Variants in CPED1 observed in about 807,000 individuals in gnomAD.
CPED1 encodes cadherin like and PC-esterase domain containing 1, also known as cadherin-like and PC-esterase domain-containing protein 1.
A neutral mutation model predicts 128.2 loss-of-function variants in CPED1; 114 were observed. The ratio of observed to expected loss-of-function variants is 0.89; its 90% CI spans 0.76 to 1.04. The LOEUF is 1.04. CPED1 is among the 50% of genes least tolerant of loss of function. The pLI is 0.00. For missense variants in CPED1, 1,211 were observed against 1,207.1 expected, an observed-to-expected ratio of 1.00 and a Z score of -0.05; for synonymous variants, 462 against 426.7, an observed-to-expected ratio of 1.08 and a Z score of -1.02.
intron 2 of CPED1, among the ~76,000 whole-genome samples, chr7:121,010,892 T>C (rs1378738427): frequency 6.6e-6 from 1 of 152,200 alleles, no homozygotes; most frequent in South Asian, 2.1e-4. Flanking sequence ...AAGTTTTAAA[T>C]AGAAAATGTA....
At chr7:121,267,720 G>A (rs557230440) in intron 21 of CPED1, among the ~76,000 whole-genome samples, 1 of 151,954 alleles carries the variant, frequency 6.6e-6, no homozygotes, top group African/African-American at 2.4e-5. Flanking sequence ...GCACTAAATA[G>A]AAGTCTCAGA....
chr7:121,196,789 C>G (rs1004906813), intron 16 of CPED1, among the ~76,000 whole-genome samples: 1 of 151,954 alleles, frequency 6.6e-6, no homozygotes, highest in African/African-American at 2.4e-5. Context: ...AATTTTAGAT[C>G]ACACTAAAGT....
intron 14 of CPED1, among the ~76,000 whole-genome samples, chr7:121,137,101 CAAATAAA>C (rs1795801405): frequency 6.6e-6 from 1 of 151,254 alleles, no homozygotes. Context: ...TAGTTTTCCA[CAAATAAA>C]AAATCAATTT....
intron 18 of CPED1, among the ~76,000 whole-genome samples, chr7:121,265,156 G>A (rs1399065899): frequency 6.6e-6 from 1 of 152,064 alleles, no homozygotes; most frequent in Non-Finnish European, 1.5e-5. Flanking sequence ...ATAAGGAAAA[G>A]CAGATGTTGA....
intron 16 of CPED1, among the ~76,000 whole-genome samples, chr7:121,176,995 T>C (rs1401285179): frequency 1.3e-5 from 2 of 152,080 alleles, no homozygotes; most frequent in Non-Finnish European, 2.9e-5. Flanking sequence ...TTAATTTGAC[T>C]GCCTAGGAAG....
chr7:121,059,530 A>G (rs1793595532), intron 4 of CPED1, among the ~76,000 whole-genome samples: 1 of 152,188 alleles, frequency 6.6e-6, no homozygotes, highest in African/African-American at 2.4e-5. Context: ...CTTAATGTTC[A>G]GGAACAATAA....
chr7:121,067,029 C>G (rs1409282185), intron 5 of CPED1, among the ~76,000 whole-genome samples: 1 of 151,912 alleles, frequency 6.6e-6, no homozygotes, highest in African/African-American at 2.4e-5. Context: ...AACTTGAGCA[C>G]CCATGGATTT....
At chr7:121,183,819 GA>G (rs1796946264) in intron 16 of CPED1, among the ~76,000 whole-genome samples, 1 of 152,166 alleles carries the variant, frequency 6.6e-6, no homozygotes, top group East Asian at 1.9e-4. Context: ...GACTGTTGAT[GA>G]TTAAAGATTC....
rs1795810990 is a variant in CPED1 at position 121,137,511 on chromosome 7, T to C, written c.1699+1421T>C. On this transcript the variant is annotated intron_variant, in intron 14 of 22. Transcript: ENST00000310396. Reference sequence around the variant, plus strand: ...ATAGACGTCTTTGAATTTAATAAAATCTAATTTTCATCTAAAATGCAATTT... The same window carrying C: ...ATAGACGTCTTTGAATTTAATAAAACCTAATTTTCATCTAAAATGCAATTT... 2.0e-5 allele frequency among the ~76,000 whole-genome samples: 3 copies of C among 152,002 alleles called. No homozygotes were observed. In the South Asian group the frequency reaches 6.2e-4, roughly 31 times the overall value.
intron 3 of CPED1, among the ~76,000 whole-genome samples, chr7:121,034,585 C>G (rs1792838069): frequency 6.6e-6 from 1 of 152,060 alleles, no homozygotes; most frequent in Admixed American, 6.6e-5. Flanking sequence ...GCACTCAAGT[C>G]TTATTCAACA....
rs78498509 is a variant in CPED1, at chr7:121,025,719, T to A, written c.433+9871T>A. Among the ~76,000 whole-genome samples, 956 of 152,282 alleles carry A rather than the reference T, an allele frequency of 6.3e-3. 76 individuals carry two copies. The East Asian group carries it at 0.15, about 24-fold the overall frequency. ...CCAAATATGGACATTCTCCAAGATA[T>A]TTATCCCCAGTCATTTTTTTCCTTT... On this transcript the variant is annotated intron_variant, in intron 3 of 22. Transcript: ENST00000310396.
At chr7:121,192,334 G>A (rs1389070735) in intron 16 of CPED1, among the ~76,000 whole-genome samples, 1 of 152,102 alleles carries the variant, frequency 6.6e-6, no homozygotes, top group Non-Finnish European at 1.5e-5. Flanking sequence ...GGAGCGTTTT[G>A]GATTTCAGAT....
chr7:121,034,945 C>T (rs78777393), intron 3 of CPED1, among the ~76,000 whole-genome samples: 1,823 of 152,092 alleles, frequency 0.012, 35 homozygotes, highest in African/African-American at 0.041. Context: ...AGGAAATGGG[C>T]AATTCTGAAT....
intron 3 of CPED1, among the ~76,000 whole-genome samples, chr7:121,017,304 T>C (rs1792327544): frequency 6.6e-6 from 1 of 152,140 alleles, no homozygotes; most frequent in Non-Finnish European, 1.5e-5. Context: ...TCTGGAGTAT[T>C]ATGGAGATCT....
chr7:121,125,191 T>C (rs1334926456), intron 8 of CPED1, among the ~76,000 whole-genome samples: 1 of 152,214 alleles, frequency 6.6e-6, no homozygotes, highest in Non-Finnish European at 1.5e-5. Flanking sequence ...TTTTACATTA[T>C]CCAAGCCACT....
intron 18 of CPED1, among the ~76,000 whole-genome samples, chr7:121,264,606 T>A (rs998567044): frequency 8.5e-5 from 13 of 152,048 alleles, no homozygotes; most frequent in African/African-American, 3.1e-4. Flanking sequence ...ACGCTCACCA[T>A]GGAAAGAGTT....
intron 3 of CPED1, among the ~76,000 whole-genome samples, chr7:121,042,198 T>A (rs1793077051): frequency 6.6e-6 from 1 of 152,194 alleles, no homozygotes; most frequent in South Asian, 2.1e-4. Context: ...AAGTACATAT[T>A]TCTAGTTCCT....
intron 3 of CPED1, among the ~76,000 whole-genome samples, chr7:121,044,462 T>A (rs1462909691): frequency 6.6e-6 from 1 of 152,006 alleles, no homozygotes; most frequent in East Asian, 1.9e-4. Context: ...AGAGGAGATT[T>A]GTGGACTATA....
intron 16 of CPED1, among the ~76,000 whole-genome samples, chr7:121,188,480 T>C (rs1042586049): frequency 6.6e-6 from 1 of 152,168 alleles, no homozygotes; most frequent in Non-Finnish European, 1.5e-5. Context: ...TGTAGTCAGT[T>C]AATCTAAATT....
Sources: gnomAD v4.1 joint callset for allele counts (sites outside exome capture counted in the v4.1 genomes callset) on GRCh38, gnomAD v4.1.1 for gene constraint, MANE v1.5 for transcripts, NCBI Gene and HGNC (gene_info 2026-07-23, HGNC 2026-07-21) for gene names.